The following ASMT variants were observed in gnomAD, a reference collection of about 807,000 sequenced individuals.
ASMT encodes acetylserotonin O-methyltransferase.
In ASMT, 53 loss-of-function variants were observed where a neutral mutation model predicts 41.3. That is an observed-to-expected ratio of 1.28 (90% CI 1.03 to 1.61). ASMT has a LOEUF of 1.61. ASMT is among the 40% of genes most tolerant of loss of function. The pLI, the probability that ASMT is intolerant of heterozygous loss-of-function variation, is 0.00. For missense variants in ASMT, 531 were observed against 441.3 expected (o/e 1.20, Z -1.82); for synonymous variants, 231 against 184.8 (o/e 1.25, Z -2.03).
At chrX:1,620,849 A>T (rs1313796402) in intron 1 of ASMT, among the ~76,000 whole-genome samples, 4 of 151,832 alleles carry the variant, frequency 2.6e-5, no homozygotes, top group African/African-American at 9.7e-5. Flanking sequence ...TGATCGTGCC[A>T]CTGCACTCCA....
intron 1 of ASMT, among the ~76,000 whole-genome samples, chrX:1,618,280 T>C (rs1171845456): frequency 1.3e-5 from 2 of 151,960 alleles, no homozygotes; most frequent in Non-Finnish European, 2.9e-5. Flanking sequence ...TCCCCTGCCT[T>C]AGCCTCCTGA....
At chrX:1,641,920 G>C (rs1935191340) in intron 8 of ASMT, among the ~76,000 whole-genome samples, 1 of 149,606 alleles carries the variant, frequency 6.7e-6, no homozygotes, top group Non-Finnish European at 1.5e-5. Context: ...ATGAGGATGT[G>C]GGCACAACCT....
At chrX:1,615,766 C>T (rs1469259690) in intron 1 of ASMT, among the ~76,000 whole-genome samples, 2 of 151,630 alleles carry the variant, frequency 1.3e-5, no homozygotes, top group African/African-American at 2.4e-5. Context: ...CGCACCACTG[C>T]ACTCCCGCCT....
chrX:1,622,608 G>T (rs1934375280), intron 1 of ASMT, among the ~76,000 whole-genome samples: 1 of 151,824 alleles, frequency 6.6e-6, no homozygotes, highest in Non-Finnish European at 1.5e-5. Context: ...AAATGAGGTT[G>T]CACGGCTATG....
chrX:1,615,942 G>C (rs1934079800), intron 1 of ASMT, among the ~76,000 whole-genome samples: 1 of 152,190 alleles, frequency 6.6e-6, no homozygotes, highest in Non-Finnish European at 1.5e-5. Flanking sequence ...ATATGTGGTT[G>C]TTTATTAACC....
chrX:1,629,412 C>T (rs1350765958), intron 4 of ASMT, among the ~76,000 whole-genome samples: 2 of 152,176 alleles, frequency 1.3e-5, no homozygotes, highest in South Asian at 4.1e-4. Context: ...TCTCACCTGC[C>T]TCCCTTCCTA....
chrX:1,625,771 G>A (rs758816830), intron 3 of ASMT, among the ~76,000 whole-genome samples: 193 of 151,476 alleles, frequency 1.3e-3, no homozygotes, highest in African/African-American at 4.3e-3. Context: ...TGGCTAACAC[G>A]GTGAAACCCC....
At chrX:1,619,406 A>G (rs1325214688) in intron 1 of ASMT, among the ~76,000 whole-genome samples, 1 of 150,852 alleles carries the variant, frequency 6.6e-6, no homozygotes, top group African/African-American at 2.4e-5. Context: ...AAAAAAAAAA[A>G]AAAAGTGGGG....
intron 3 of ASMT, among the ~76,000 whole-genome samples, chrX:1,625,547 AGGGAGGGAGGG>A (rs1569374364): frequency 1.5e-5 from 1 of 65,734 alleles, no homozygotes; most frequent in Non-Finnish European, 2.8e-5. Flanking sequence ...GAAGGAAGGG[AGGGAGGGAGGG>A]AGGGAGGGAG....
intron 7 of ASMT, among the ~76,000 whole-genome samples, chrX:1,635,053 C>A (rs1330752774): frequency 6.9e-6 from 1 of 145,642 alleles, no homozygotes; most frequent in Non-Finnish European, 1.5e-5. Flanking sequence ...CGGCTCACTG[C>A]AAGCTCCACC....
intron 7 of ASMT, among the ~76,000 whole-genome samples, chrX:1,635,555 C>CAGAA (rs1173001013): frequency 1.6e-4 from 24 of 151,858 alleles, no homozygotes; most frequent in African/African-American, 4.8e-4. Flanking sequence ...CAGGGGACAT[C>CAGAA]AGAAAGAAAG....
intron 3 of ASMT, 48 bp from the exon 4 acceptor site, chrX:1,627,655 A>AAATGAAATGAAATGAAATGT: frequency 7.2e-7 from 1 of 1,388,054 alleles, no homozygotes; most frequent in Non-Finnish European, 1.0e-6. Context: ...AAATGAAATG[A>AAATGAAATGAAATGAAATGT]AATGAAATGA....
chrX:1,618,071 G>A (rs1353277909), intron 1 of ASMT, among the ~76,000 whole-genome samples: 3 of 149,856 alleles, frequency 2.0e-5, no homozygotes, highest in Non-Finnish European at 4.5e-5. Flanking sequence ...CTCCGCCTAC[G>A]GGGTTCAAGC....
At chrX:1,619,837 A>T (rs1307855892) in intron 1 of ASMT, among the ~76,000 whole-genome samples, 3 of 151,104 alleles carry the variant, frequency 2.0e-5, no homozygotes, top group African/African-American at 7.3e-5. Context: ...CATGCCTGTA[A>T]TCTGAGCACT....
intron 7 of ASMT, among the ~76,000 whole-genome samples, chrX:1,634,025 G>A (rs770361027): frequency 1.2e-3 from 182 of 151,912 alleles, no homozygotes; most frequent in African/African-American, 4.0e-3. Flanking sequence ...CACCCGCCTC[G>A]GCCTCCCAAA....
At position 1,630,838 on chromosome X, in the gene ASMT, G is replaced by A. The variant is rs778404776; in HGVS notation, c.562+899G>A. On this transcript the variant is annotated intron_variant, in intron 5 of 8. Coordinates refer to ENST00000381241, the MANE Select transcript of ASMT (RefSeq NM_001171038.2). ...CTCCAAAAGTGCTGGGATTACAGGC[G>A]CCCGCCACCACACCCAGGCTGAGCT... is the stretch of plus-strand genomic sequence containing the variant. Among the ~76,000 whole-genome samples, 283 of 151,748 alleles carry A rather than the reference G, an allele frequency of 1.9e-3. 3 individuals carry two copies. Among genetic ancestry groups the A allele is most frequent in the Non-Finnish European group, 2.7e-3 (186 of 67,878 alleles).
At chrX:1,642,343 C>T (rs1327774963) in intron 8 of ASMT, among the ~76,000 whole-genome samples, 1 of 143,646 alleles carries the variant, frequency 7.0e-6, no homozygotes, top group Non-Finnish European at 1.5e-5. Context: ...TGGGCACAAC[C>T]TCTGTGTGTA....
chrX:1,616,195 A>C (rs1306556409), intron 1 of ASMT, among the ~76,000 whole-genome samples: 2 of 149,700 alleles, frequency 1.3e-5, no homozygotes, highest in East Asian at 1.9e-4. Context: ...CGCCCGGCTA[A>C]TTTTTGTATT....
Position 1,636,422 on chromosome X carries a change from CT to C in ASMT, c.788-15del. 6.2e-7 allele frequency: 1 copy of C among 1,613,870 alleles called. No homozygotes were observed. On this transcript the variant is annotated splice_polypyrimidine_tract_variant and intron_variant, in intron 7 of 8. Coordinates refer to ENST00000381241, the MANE Select transcript of ASMT (RefSeq NM_001171038.2). ...GGATTGCAGGCTGACCTCGGTGTGC[CT>C]GCCCTGTGTTCCAGGGGATTTCTTC...
Sources: allele counts gnomAD v4.1 joint callset (sites outside exome capture counted in the v4.1 genomes callset), GRCh38; gene constraint gnomAD v4.1.1; transcripts MANE v1.5; gene names NCBI Gene and HGNC (gene_info 2026-07-23, HGNC 2026-07-21).